NRG1: variants seen among roughly 807,000 people sequenced by gnomAD.
NRG1 encodes the protein neuregulin 1.
A neutral mutation model predicts 63.8 loss-of-function variants in NRG1; 18 were observed. The ratio of observed to expected loss-of-function variants is 0.28; its 90% CI spans 0.19 to 0.42. The LOEUF is 0.42. Among genes scored for constraint, NRG1 ranks in the 10% least tolerant of loss-of-function variants. The pLI is 1.00. For synonymous variants in NRG1, 302 were observed against 301.3 expected (o/e 1.00, Z -0.02); for missense variants, 762 against 814.7 (o/e 0.94, Z 0.79).
chr8:32,679,811 A>G (rs1241077010), intron 5 of NRG1, among the ~76,000 whole-genome samples: 2 of 152,186 alleles, frequency 1.3e-5, no homozygotes, highest in African/African-American at 4.8e-5. Flanking sequence ...TTGCATGGAA[A>G]CATACTCATT....
At chr8:31,807,088 G>A (rs928583177) in intron 1 of NRG1, among the ~76,000 whole-genome samples, 2 of 152,082 alleles carry the variant, frequency 1.3e-5, no homozygotes, top group African/African-American at 2.4e-5. Flanking sequence ...GTTAAATGCC[G>A]GCCACATTCT....
chr8:32,718,168 A>C (rs1329230702), intron 5 of NRG1, among the ~76,000 whole-genome samples: 1 of 152,188 alleles, frequency 6.6e-6, no homozygotes, highest in Non-Finnish European at 1.5e-5. Context: ...TTGCATATTG[A>C]GAATGGGCCT....
chr8:32,312,922 G>C (rs1271077427), intron 1 of NRG1, among the ~76,000 whole-genome samples: 1 of 152,206 alleles, frequency 6.6e-6, no homozygotes, highest in Non-Finnish European at 1.5e-5. Context: ...GGGAGGCAGA[G>C]GTGGGCAGTT....
chr8:31,658,447 G>A (rs1010444401), intron 1 of NRG1, among the ~76,000 whole-genome samples: 1 of 152,092 alleles, frequency 6.6e-6, no homozygotes, highest in Non-Finnish European at 1.5e-5. Flanking sequence ...GAGCACTTAG[G>A]CAGTGGTAAG....
At chr8:32,245,997 A>G (rs2347067) in intron 1 of NRG1, among the ~76,000 whole-genome samples, 105,588 of 151,968 alleles carry the variant, frequency 0.69, 37,250 homozygotes, top group African/African-American at 0.79. Context: ...AATCAGGCTG[A>G]TTTTCCCAAG....
chr8:32,505,111 CATT>C (rs1389048579), intron 1 of NRG1, among the ~76,000 whole-genome samples: 4 of 152,210 alleles, frequency 2.6e-5, no homozygotes, highest in South Asian at 2.1e-4. Flanking sequence ...TGCTGCGTAT[CATT>C]GTTGTTATTA....
chr8:31,820,267 A>T (rs1823878271), intron 1 of NRG1, among the ~76,000 whole-genome samples: 1 of 152,280 alleles, frequency 6.6e-6, no homozygotes, highest in East Asian at 1.9e-4. Context: ...GAACCCTGGA[A>T]TTATGAAACT....
intron 1 of NRG1, among the ~76,000 whole-genome samples, chr8:32,308,956 T>G (rs963088475): frequency 6.6e-6 from 1 of 152,222 alleles, no homozygotes; most frequent in African/African-American, 2.4e-5. Flanking sequence ...TGCATTTGAC[T>G]GTGGTGCCTT....
At chr8:32,024,863 TCA>T (rs1222845858) in intron 1 of NRG1, among the ~76,000 whole-genome samples, 3 of 152,234 alleles carry the variant, frequency 2.0e-5, no homozygotes, top group Non-Finnish European at 2.9e-5. Context: ...GCAAATTAAT[TCA>T]GTTTATATAC....
intron 1 of NRG1, among the ~76,000 whole-genome samples, chr8:31,916,173 A>T (rs1786220565): frequency 6.6e-6 from 1 of 152,130 alleles, no homozygotes; most frequent in Admixed American, 6.6e-5. Flanking sequence ...AAAATTATAT[A>T]ATAGGCTTAG....
At chr8:32,535,449 G>C (rs1385462292) in intron 1 of NRG1, among the ~76,000 whole-genome samples, 1 of 151,936 alleles carries the variant, frequency 6.6e-6, no homozygotes, top group Non-Finnish European at 1.5e-5. Flanking sequence ...TGATTATTTT[G>C]GCAGAGAACA....
chr8:32,055,975 C>T (rs948375107), intron 1 of NRG1, among the ~76,000 whole-genome samples: 9 of 152,022 alleles, frequency 5.9e-5, no homozygotes, highest in African/African-American at 2.4e-5. Flanking sequence ...AACCAGAATG[C>T]CAAGTTTTTT....
chr8:31,735,907 A>G (rs527341305), intron 1 of NRG1, among the ~76,000 whole-genome samples: 2 of 152,158 alleles, frequency 1.3e-5, no homozygotes, highest in South Asian at 4.2e-4. Flanking sequence ...TACCACTTTA[A>G]CTGCTACCAT....
At chr8:31,803,221 G>A (rs1186178524) in intron 1 of NRG1, among the ~76,000 whole-genome samples, 2 of 152,172 alleles carry the variant, frequency 1.3e-5, no homozygotes, top group Non-Finnish European at 2.9e-5. Flanking sequence ...TATTTAAAAA[G>A]TCTTTGTTCA....
At chr8:31,653,953 C>G (rs537308867) in intron 1 of NRG1, among the ~76,000 whole-genome samples, 24 of 75,126 alleles carry the variant, frequency 3.2e-4, no homozygotes, top group African/African-American at 1.1e-3. Flanking sequence ...TTTCATGATG[C>G]GCTTTTTTTT....
chr8:32,030,646 A>G (rs1030324984), intron 1 of NRG1, among the ~76,000 whole-genome samples: 5 of 152,144 alleles, frequency 3.3e-5, no homozygotes, highest in African/African-American at 9.7e-5. Context: ...GGATGATCAT[A>G]TGCAGAATTA....
intron 1 of NRG1, among the ~76,000 whole-genome samples, chr8:32,028,642 GTGAAGT>G (rs1817819141): frequency 6.6e-6 from 1 of 152,116 alleles, no homozygotes; most frequent in South Asian, 2.1e-4. Flanking sequence ...TATTGGGTTG[GTGAAGT>G]TGAAGTTTTG....
At chr8:31,740,859 C>T (rs958884917) in intron 1 of NRG1, among the ~76,000 whole-genome samples, 8 of 151,912 alleles carry the variant, frequency 5.3e-5, no homozygotes, top group South Asian at 2.1e-4. Context: ...CTCAGCAATC[C>T]CATAATGGGT....
At chr8:32,054,859 C>CTTTTTTT (rs1425879994) in intron 1 of NRG1, among the ~76,000 whole-genome samples, 2 of 70,658 alleles carry the variant, frequency 2.8e-5, no homozygotes, top group African/African-American at 5.6e-5. Flanking sequence ...AGATTTCTTT[C>CTTTTTTT]TTTCTTTTTT....
Sources: gnomAD v4.1 joint callset for allele counts (sites outside exome capture counted in the v4.1 genomes callset) on GRCh38, gnomAD v4.1.1 for gene constraint, MANE v1.5 for transcripts, NCBI Gene and HGNC (gene_info 2026-07-23, HGNC 2026-07-21) for gene names.